UBL3: variants seen among roughly 807,000 people sequenced by gnomAD.
The protein encoded by UBL3 is ubiquitin like 3.
UBL3 carries 6 observed loss-of-function variants against 18.4 expected under a neutral mutation model. The observed-to-expected ratio is 0.33, with a 90% CI of 0.18 to 0.64. The LOEUF is 0.64. Among genes scored for constraint, UBL3 ranks in the 30% least tolerant of loss-of-function variants. The pLI is 0.76. For synonymous variants in UBL3, 49 were observed against 46.6 expected (o/e 1.05, Z -0.21); for missense variants, 109 against 142.9 (o/e 0.76, Z 1.21).
intron 1 of UBL3, among the ~76,000 whole-genome samples, chr13:29,784,437 T>C (rs1178714397): frequency 2.0e-5 from 3 of 152,044 alleles, no homozygotes; most frequent in Non-Finnish European, 4.4e-5. Context: ...ATGCCAGTCT[T>C]CCTTAGGGAA....
intron 1 of UBL3, among the ~76,000 whole-genome samples, chr13:29,839,943 A>AG (rs924238879): frequency 6.8e-6 from 1 of 146,588 alleles, no homozygotes; most frequent in African/African-American, 2.5e-5. Flanking sequence ...AAAAAAAAAA[A>AG]AAAGAAGATT....
At chr13:29,839,209 G>A (rs1879032933) in intron 1 of UBL3, among the ~76,000 whole-genome samples, 1 of 152,016 alleles carries the variant, frequency 6.6e-6, no homozygotes, top group Non-Finnish European at 1.5e-5. Context: ...GCTATATATG[G>A]CACACTGTCA....
chr13:29,813,937 G>A (rs956850958), intron 1 of UBL3, among the ~76,000 whole-genome samples: 2 of 152,040 alleles, frequency 1.3e-5, no homozygotes, highest in Middle Eastern at 3.2e-3. Flanking sequence ...ATCCTCAGAA[G>A]AAAAAGATGT....
chr13:29,767,907 G>C (rs1169416852), intron 3 of UBL3, among the ~76,000 whole-genome samples: 3 of 151,938 alleles, frequency 2.0e-5, no homozygotes, highest in Non-Finnish European at 2.9e-5. Flanking sequence ...ATAGCCATTT[G>C]CTTGACACAT....
chr13:29,767,371 G>A (rs1245086347), intron 4 of UBL3, 64 bp from the exon 5 acceptor site: 2 of 1,586,800 alleles, frequency 1.3e-6, no homozygotes, highest in African/African-American at 2.7e-5. Context: ...AAATGGGCTA[G>A]GCAATCAAGT....
At chr13:29,818,435 G>C (rs920990556) in intron 1 of UBL3, among the ~76,000 whole-genome samples, 4 of 152,134 alleles carry the variant, frequency 2.6e-5, no homozygotes, top group Non-Finnish European at 5.9e-5. Flanking sequence ...CACTTGATCA[G>C]AAGTACACAA....
intron 2 of UBL3, among the ~76,000 whole-genome samples, chr13:29,773,587 T>G (rs2139308602): frequency 6.6e-6 from 1 of 152,318 alleles, no homozygotes; most frequent in South Asian, 2.1e-4. Flanking sequence ...CTTGAATTTT[T>G]TTTTTGAGAT....
chr13:29,809,043 T>C (rs1399141947), intron 1 of UBL3, among the ~76,000 whole-genome samples: 1 of 152,150 alleles, frequency 6.6e-6, no homozygotes, highest in African/African-American at 2.4e-5. Flanking sequence ...TAATCATGCA[T>C]TCAAAAATTT....
At chr13:29,813,478 A>G (rs1368095224) in intron 1 of UBL3, among the ~76,000 whole-genome samples, 1 of 152,128 alleles carries the variant, frequency 6.6e-6, no homozygotes, top group Non-Finnish European at 1.5e-5. Context: ...AAAGTTGTAA[A>G]GTTGGCTTTA....
chr13:29,786,761 G>A (rs1213329206), intron 1 of UBL3, among the ~76,000 whole-genome samples: 1 of 28,458 alleles, frequency 3.5e-5, no homozygotes, highest in Non-Finnish European at 1.2e-4. Context: ...ATTCTGTTTA[G>A]CATTTAGTTA....
At chr13:29,792,545 C>G (rs142699907) in intron 1 of UBL3, among the ~76,000 whole-genome samples, 1 of 152,182 alleles carries the variant, frequency 6.6e-6, no homozygotes, top group Non-Finnish European at 1.5e-5. Flanking sequence ...TTGTTTCACA[C>G]TGCCTCTGCT....
At chr13:29,811,582 C>A (rs1322518345) in intron 1 of UBL3, among the ~76,000 whole-genome samples, 1 of 152,058 alleles carries the variant, frequency 6.6e-6, no homozygotes, top group Non-Finnish European at 1.5e-5. Flanking sequence ...GCCATGCCCT[C>A]CATGCCATTC....
intron 1 of UBL3, among the ~76,000 whole-genome samples, chr13:29,846,315 AT>A (rs1203696529): frequency 2.6e-5 from 4 of 152,180 alleles, no homozygotes; most frequent in Non-Finnish European, 5.9e-5. Flanking sequence ...AAAAACCAAC[AT>A]TTCAAGTAAA....
intron 1 of UBL3, among the ~76,000 whole-genome samples, chr13:29,792,766 T>C (rs1351009325): frequency 1.3e-5 from 2 of 152,242 alleles, no homozygotes; most frequent in South Asian, 4.1e-4. Flanking sequence ...TGCTAATACA[T>C]AATTTATCAA....
chr13:29,813,292 C>T (rs115889632), intron 1 of UBL3, among the ~76,000 whole-genome samples: 218 of 152,168 alleles, frequency 1.4e-3, no homozygotes, highest in African/African-American at 5.0e-3. Flanking sequence ...GCTTCTCCAG[C>T]TAGCCCAATC....
rs549380158 is a variant in UBL3 at position 29,781,527 on chromosome 13, A to G, written c.28-4264T>C. Among the ~76,000 whole-genome samples the G allele has an allele frequency of 1.3e-3, 194 of 152,286 alleles. 1 individual carries two copies. The highest frequency in any genetic ancestry group is 2.5e-3 in the Non-Finnish European group (171 of 68,026). On this transcript the variant is annotated intron_variant, in intron 1 of 4. Coordinates refer to ENST00000380680, the MANE Select transcript of UBL3 (RefSeq NM_007106.4). ...TCGGTATGGGCTTTCAAAGAAATATAAATGATTTTCTTAAGTAGACAAATA... is the reference window on the plus strand; with the variant it reads ...TCGGTATGGGCTTTCAAAGAAATATGAATGATTTTCTTAAGTAGACAAATA...
chr13:29,827,337 C>A (rs552662632), intron 1 of UBL3, among the ~76,000 whole-genome samples: 116 of 152,182 alleles, frequency 7.6e-4, no homozygotes, highest in Non-Finnish European at 1.4e-3. Flanking sequence ...TGTAGGTCTC[C>A]AAGGATTTGC....
intron 1 of UBL3, among the ~76,000 whole-genome samples, chr13:29,840,538 C>G (rs1242671153): frequency 9.5e-6 from 1 of 104,862 alleles, no homozygotes; most frequent in Non-Finnish European, 2.0e-5. Context: ...AAATTGCTAG[C>G]CAATTGTTTT....
intron 1 of UBL3, among the ~76,000 whole-genome samples, chr13:29,781,529 A>G (rs1877173589): frequency 6.6e-6 from 1 of 152,152 alleles, no homozygotes; most frequent in Non-Finnish European, 1.5e-5. Flanking sequence ...AGAAATATAA[A>G]TGATTTTCTT....
Sources: allele counts gnomAD v4.1 joint callset (sites outside exome capture counted in the v4.1 genomes callset), GRCh38; gene constraint gnomAD v4.1.1; transcripts MANE v1.5; gene names NCBI Gene and HGNC (gene_info 2026-07-23, HGNC 2026-07-21).